The following NTM variants were observed in gnomAD, a reference collection of about 807,000 sequenced individuals.
The protein encoded by NTM is neurotrimin, also known as IgLON family member 2.
In NTM, 13 loss-of-function variants were observed where a neutral mutation model predicts 42.1. That is an observed-to-expected ratio of 0.31 (90% confidence interval 0.20 to 0.49). The LOEUF (loss-of-function observed/expected upper bound fraction) is 0.49, where lower values mean the gene tolerates loss of function less well. Among genes scored for constraint, NTM ranks in the 20% least tolerant of loss-of-function variants. The pLI is 0.99. For missense variants in NTM, 373 were observed against 452.8 expected (o/e 0.82, Z 1.60); for synonymous variants, 187 against 179.2 (o/e 1.04, Z -0.35).
intron 1 of NTM, among the ~76,000 whole-genome samples, chr11:131,800,976 G>A (rs978686319): frequency 5.3e-5 from 8 of 152,096 alleles, no homozygotes; most frequent in African/African-American, 1.7e-4. Flanking sequence ...ATTTGATTCC[G>A]GTTATAGGAA....
chr11:131,915,158 A>AG (rs1477580839), intron 2 of NTM, among the ~76,000 whole-genome samples: 1 of 152,190 alleles, frequency 6.6e-6, no homozygotes, highest in African/African-American at 2.4e-5. Flanking sequence ...TAAGGCCTAG[A>AG]GAGGGGGAAC....
intron 1 of NTM, among the ~76,000 whole-genome samples, chr11:131,406,253 T>A (rs922420545): frequency 6.6e-6 from 1 of 152,194 alleles, no homozygotes; most frequent in East Asian, 1.9e-4. Context: ...GGAAGTGATA[T>A]ATGAATGTAA....
rs577970850 is a variant in NTM at position 132,238,205 on chromosome 11, G to A, written c.526+26058G>A. The stretch of plus-strand genomic sequence containing the variant: ...GGATGGGAGACATCCTTTGAGAAGA[G>A]GCTGGAGCTGAGGGGAGAGGAGAGG... On this transcript the variant is annotated intron_variant, in intron 4 of 8. Coordinates refer to ENST00000683400, the MANE Select transcript of NTM (RefSeq NM_001352005.2). Among the ~76,000 whole-genome samples, 18 of 152,228 alleles carry A rather than the reference G, an allele frequency of 1.2e-4. No homozygotes were observed. In the South Asian group the frequency reaches 3.5e-3, roughly 30 times the overall value.
At chr11:132,127,975 G>C (rs1591688159) in intron 2 of NTM, among the ~76,000 whole-genome samples, 2 of 152,188 alleles carry the variant, frequency 1.3e-5, no homozygotes, top group South Asian at 2.1e-4. Context: ...CTCTCTGAAA[G>C]ATTTACACTT....
intron 2 of NTM, among the ~76,000 whole-genome samples, chr11:131,961,843 G>A (rs2134517465): frequency 6.6e-6 from 1 of 152,234 alleles, no homozygotes; most frequent in African/African-American, 2.4e-5. Context: ...GAGTCACCAA[G>A]TGTGAAATGC....
intron 2 of NTM, among the ~76,000 whole-genome samples, chr11:132,052,055 C>CA (rs958219176): frequency 7.9e-5 from 12 of 150,970 alleles, no homozygotes; most frequent in South Asian, 2.1e-4. Flanking sequence ...AAATGTAGGG[C>CA]AAAAAAAATT....
At chr11:131,939,394 G>T (rs1254565550) in intron 2 of NTM, among the ~76,000 whole-genome samples, 3 of 152,172 alleles carry the variant, frequency 2.0e-5, no homozygotes, top group East Asian at 1.9e-4. Flanking sequence ...TTTGGCAAGA[G>T]AGGTTTCAGG....
At chr11:132,021,737 A>G (rs894101630) in intron 2 of NTM, among the ~76,000 whole-genome samples, 1 of 152,134 alleles carries the variant, frequency 6.6e-6, no homozygotes, top group Non-Finnish European at 1.5e-5. Flanking sequence ...CAAGGCTTAA[A>G]CAGAAGTTGT....
intron 2 of NTM, among the ~76,000 whole-genome samples, chr11:132,038,995 G>A (rs1226583666): frequency 6.6e-6 from 1 of 152,192 alleles, no homozygotes; most frequent in African/African-American, 2.4e-5. Context: ...GTCTTGCTCC[G>A]TGTCTGAGTG....
At chr11:131,752,538 G>C (rs894290796) in intron 1 of NTM, among the ~76,000 whole-genome samples, 6 of 152,048 alleles carry the variant, frequency 3.9e-5, no homozygotes, top group Non-Finnish European at 5.9e-5. Flanking sequence ...CCCATTACTG[G>C]GTATATACCC....
intron 2 of NTM, among the ~76,000 whole-genome samples, chr11:132,090,726 A>G (rs1312656510): frequency 6.6e-6 from 1 of 152,020 alleles, no homozygotes; most frequent in African/African-American, 2.4e-5. Context: ...AGATGTGGCA[A>G]TGCATGGCTT....
chr11:131,843,457 A>G (rs1565620190), intron 1 of NTM, among the ~76,000 whole-genome samples: 1 of 151,320 alleles, frequency 6.6e-6, no homozygotes, highest in Non-Finnish European at 1.5e-5. Flanking sequence ...ATAGACAGAT[A>G]GACCACCCAT....
chr11:132,211,782 G>A (rs1004157769), intron 3 of NTM: 6 of 346,046 alleles, frequency 1.7e-5, no homozygotes, highest in Admixed American at 4.7e-5. Context: ...AGCTATTCCA[G>A]TGTTGCAGTA....
At position 132,112,548 on chromosome 11, in the gene NTM, G is replaced by T. The variant is rs74567375; in HGVS notation, c.168-33734G>T. On this transcript the variant is annotated intron_variant, in intron 2 of 8. Coordinates refer to ENST00000683400, the MANE Select transcript of NTM (RefSeq NM_001352005.2). ...AGAAAACGAGACTCCCAGTGGGAGG[G>T]TGTGTACTGCCAAGTACTATGTAGG... Among the ~76,000 whole-genome samples the T allele has an allele frequency of 2.5e-3, 382 of 152,186 alleles. 20 individuals are homozygous for T. In the East Asian group the frequency reaches 0.068, roughly 27 times the overall value.
At chr11:132,278,892 T>C (rs1204995677) in intron 4 of NTM, among the ~76,000 whole-genome samples, 1 of 152,030 alleles carries the variant, frequency 6.6e-6, no homozygotes, top group Non-Finnish European at 1.5e-5. Flanking sequence ...AGCTATAACT[T>C]ACACCAATAT....
At chr11:132,212,719 G>A (rs2083071137) in intron 4 of NTM, among the ~76,000 whole-genome samples, 1 of 152,222 alleles carries the variant, frequency 6.6e-6, no homozygotes, top group Admixed American at 6.5e-5. Flanking sequence ...GTAGACCAAA[G>A]TGTTGTTTTG....
intron 1 of NTM, among the ~76,000 whole-genome samples, chr11:131,412,805 C>CGTGT (rs34653452): frequency 0.49 from 73,571 of 151,178 alleles, 19,930 homozygotes; most frequent in Non-Finnish European, 0.61. Flanking sequence ...TCTTACGGGG[C>CGTGT]GTGTGTGTGT....
chr11:132,088,153 A>T, intron 2 of NTM, among the ~76,000 whole-genome samples: 1 of 152,160 alleles, frequency 6.6e-6, no homozygotes, highest in Admixed American at 6.5e-5. Context: ...GAAAAGATAA[A>T]TGCTGTTACA....
chr11:132,133,543 C>T (rs750246861), intron 2 of NTM, among the ~76,000 whole-genome samples: 2 of 152,094 alleles, frequency 1.3e-5, no homozygotes, highest in African/African-American at 2.4e-5. Flanking sequence ...AAGCACAGGT[C>T]GGGGGATGGC....
Sources: allele counts gnomAD v4.1 joint callset (sites outside exome capture counted in the v4.1 genomes callset), GRCh38; gene constraint gnomAD v4.1.1; transcripts MANE v1.5; gene names NCBI Gene and HGNC (gene_info 2026-07-23, HGNC 2026-07-21).